Variants in TEX2 observed in about 807,000 individuals in gnomAD.
TEX2 encodes the protein testis-expressed protein 2.
Under a neutral mutation model 106.9 loss-of-function variants are expected in TEX2, and 53 were observed. That is an observed-to-expected ratio of 0.50 (90% CI 0.40 to 0.62). TEX2 has a LOEUF of 0.62. TEX2 is among the 20% of genes least tolerant of loss of function. The probability of loss-of-function intolerance (pLI) is 0.00; values close to 1 mark genes in which losing one functional copy is unlikely to be tolerated. For synonymous variants in TEX2, 523 were observed against 534.8 expected (o/e 0.98, Z 0.30); for missense variants, 1,207 against 1,379.0 (o/e 0.88, Z 1.98).
chr17:64,161,825 A>C (rs1037124221), intron 7 of TEX2, among the ~76,000 whole-genome samples: 1 of 152,108 alleles, frequency 6.6e-6, no homozygotes, highest in Non-Finnish European at 1.5e-5. Flanking sequence ...GTGATCCTTT[A>C]AGTGGGTGTT....
intron 1 of TEX2, among the ~76,000 whole-genome samples, chr17:64,219,422 C>T (rs911857611): frequency 2.6e-5 from 4 of 152,038 alleles, no homozygotes; most frequent in African/African-American, 9.7e-5. Flanking sequence ...ACAAGAATCG[C>T]TTGAAACTGA....
chr17:64,205,559 C>G lies in TEX2; in HGVS notation c.1644+7015G>C, dbSNP rs1207751572. Among the ~76,000 whole-genome samples, 1 of 152,098 alleles carries G rather than the reference C, an allele frequency of 6.6e-6. No individual in the cohort carries two copies. The highest frequency in any genetic ancestry group is 1.5e-5 in the Non-Finnish European group (1 of 68,012). ...GGCTGCATGTAATGGCCATTTTCTC[C>G]TAAAGACTTGCTTACTCTAATTTCT... On this transcript the variant is annotated intron_variant, in intron 2 of 11. Coordinates refer to ENST00000584379, the MANE Select transcript of TEX2 (RefSeq NM_001288732.2). The surrounding 1 kb of genome is among the most constrained non-coding windows in gnomAD (Gnocchi z 4.0).
intron 1 of TEX2, among the ~76,000 whole-genome samples, chr17:64,258,100 T>C (rs1046083095): frequency 1.3e-5 from 2 of 151,966 alleles, no homozygotes; most frequent in Non-Finnish European, 2.9e-5. Flanking sequence ...TTGGTAGAGA[T>C]GGGGTTTCAC....
rs2032423593 is a variant in TEX2, at chr17:64,195,044, A to G, written c.1696T>C (p.Leu566=). The change falls in exon 3 of 12, where the codon TTG becomes CTG. Residue 566 remains leucine, a synonymous_variant. Transcript: ENST00000584379. The surrounding 1 kb of genome is among the most constrained non-coding windows in gnomAD (Gnocchi z 4.1). The part of the protein sequence containing the change: ...NYDPETYHAT[L]THSVFVRLEG... Reference sequence around the variant, plus strand: ...AGTCGAACAAAGACTGAATGTGTCAAAGTCGCATGGTAGGTTTCTGGATCA... The same window carrying G: ...AGTCGAACAAAGACTGAATGTGTCAGAGTCGCATGGTAGGTTTCTGGATCA... 21 of 1,614,096 alleles carry G rather than the reference A, an allele frequency of 1.3e-5. No individual in the cohort carries two copies. The highest frequency in any genetic ancestry group is 1.7e-5 in the Non-Finnish European group (20 of 1,180,018).
At chr17:64,202,097 ATG>A (rs2143963181) in intron 2 of TEX2, among the ~76,000 whole-genome samples, 1 of 103,788 alleles carries the variant, frequency 9.6e-6, no homozygotes, top group South Asian at 3.3e-4. Flanking sequence ...CAAGGTAAAA[ATG>A]CACAAAATAG....
chr17:64,241,344 G>A (rs148608538), intron 1 of TEX2, among the ~76,000 whole-genome samples: 11 of 152,326 alleles, frequency 7.2e-5, no homozygotes, highest in African/African-American at 2.2e-4. Flanking sequence ...AGTTCTTGCC[G>A]CAGGAAAACT....
At chr17:64,186,901 A>C (rs1465012032) in intron 5 of TEX2, among the ~76,000 whole-genome samples, 2 of 152,212 alleles carry the variant, frequency 1.3e-5, no homozygotes, top group African/African-American at 4.8e-5. Context: ...GACTCTGAAG[A>C]GTGTGCAAAG....
rs781876835 is a variant in TEX2, at chr17:64,198,754, T to C, written c.1645-3659A>G. Among the ~76,000 whole-genome samples, 107 of 151,010 alleles carry C rather than the reference T, an allele frequency of 7.1e-4. 1 individual carries two copies. The highest frequency in any genetic ancestry group is 8.8e-4 in the Non-Finnish European group (59 of 67,406). ...TAGACATTACTGCGACAAATCACCA[T>C]ATAAAATATTTTTCGTTATTTCCAG... On this transcript the variant is annotated intron_variant, in intron 2 of 11. Coordinates refer to ENST00000584379, the MANE Select transcript of TEX2 (RefSeq NM_001288732.2).
At chr17:64,226,281 G>A (rs1399324766) in intron 1 of TEX2, among the ~76,000 whole-genome samples, 1 of 152,100 alleles carries the variant, frequency 6.6e-6, no homozygotes, top group Non-Finnish European at 1.5e-5. Context: ...GAGAGCTGAA[G>A]TTGTACCATT....
chr17:64,257,721 C>G (rs1437606900), intron 1 of TEX2, among the ~76,000 whole-genome samples: 1 of 152,070 alleles, frequency 6.6e-6, no homozygotes, highest in East Asian at 1.9e-4. Context: ...ATAACAGCCC[C>G]AAAGCACAAG....
chr17:64,166,453 C>A (rs2031140515), intron 7 of TEX2, among the ~76,000 whole-genome samples: 1 of 152,210 alleles, frequency 6.6e-6, no homozygotes, highest in African/African-American at 2.4e-5. Context: ...GGCCTAGACT[C>A]CATGAAACAG....
Position 64,214,077 on chromosome 17 carries a change from TTCCTCC to T in TEX2, c.135_140del (p.Glu50_Glu51del), listed in dbSNP as rs782264894. On this transcript the variant is annotated inframe_deletion, in exon 2 of 12. Transcript: ENST00000584379. ...AGTACTCCCTGAACTCCTCCTCCTC[TTCCTCC>T]TCCTCCTCGCCGGATGCCGAGAAGT... is the stretch of plus-strand genomic sequence containing the variant. The T allele has an allele frequency of 1.1e-5, 17 of 1,614,056 alleles. No individual in the cohort carries two copies. The East Asian group carries it at 1.1e-4, about 11-fold the overall frequency.
chr17:64,156,904 G>A (rs946423834), intron 8 of TEX2, among the ~76,000 whole-genome samples: 10 of 152,254 alleles, frequency 6.6e-5, no homozygotes, highest in Non-Finnish European at 1.0e-4. Flanking sequence ...AGATGCCAGA[G>A]GCTGAGCGCT....
At chr17:64,206,550 CTTTTTTTTTTT>C (rs60956243) in intron 2 of TEX2, among the ~76,000 whole-genome samples, 8,987 of 77,298 alleles carry the variant, frequency 0.12, 431 homozygotes, top group Middle Eastern at 0.15. Context: ...AGAGGTCTTA[CTTTTTTTTTTT>C]TTTTTTTTTT....
intron 7 of TEX2, among the ~76,000 whole-genome samples, chr17:64,164,238 G>A (rs1479639794): frequency 6.6e-6 from 1 of 152,108 alleles, no homozygotes; most frequent in African/African-American, 2.4e-5. Context: ...AGGAGTTCAA[G>A]ACCAGCCTGG....
chr17:64,228,530 T>C (rs1231027464), intron 1 of TEX2, among the ~76,000 whole-genome samples: 5 of 152,178 alleles, frequency 3.3e-5, no homozygotes, highest in African/African-American at 9.7e-5. Flanking sequence ...GCATGCGCAG[T>C]TCACAGTAGG....
intron 4 of TEX2, among the ~76,000 whole-genome samples, chr17:64,190,999 C>A (rs1157987853): frequency 2.0e-5 from 3 of 152,168 alleles, no homozygotes; most frequent in African/African-American, 4.8e-5. Context: ...CACGGCTGAC[C>A]ACCTATGTAG....
At chr17:64,259,376 T>A (rs1477524521) in intron 1 of TEX2, among the ~76,000 whole-genome samples, 1 of 152,216 alleles carries the variant, frequency 6.6e-6, no homozygotes, top group Non-Finnish European at 1.5e-5. Flanking sequence ...AAATCTTGTA[T>A]AACCTATGAG....
At chr17:64,221,176 G>A (rs1188711329) in intron 1 of TEX2, among the ~76,000 whole-genome samples, 3 of 152,106 alleles carry the variant, frequency 2.0e-5, no homozygotes, top group Admixed American at 2.0e-4. Flanking sequence ...ACAGAGAAGG[G>A]AATAACACAC....
Sources: gnomAD v4.1 joint callset for allele counts (sites outside exome capture counted in the v4.1 genomes callset) on GRCh38, gnomAD v4.1.1 for gene constraint, Gnocchi (gnomAD v3.1) non-coding constraint, MANE v1.5 for transcripts, NCBI Gene and HGNC (gene_info 2026-07-23, HGNC 2026-07-21) for gene names.